Variants in NPHP4 observed in about 807,000 individuals in gnomAD.
NPHP4 encodes the protein nephrocystin 4.
A neutral mutation model predicts 155.8 loss-of-function variants in NPHP4; 151 were observed. That is an observed-to-expected ratio of 0.97 (90% confidence interval 0.85 to 1.11). The LOEUF is 1.11. Ranked by LOEUF, NPHP4 falls within the 50% of genes least tolerant of loss-of-function variation. The pLI is 0.00. For synonymous variants in NPHP4, 845 were observed against 816.8 expected, an observed-to-expected ratio of 1.03 and a Z score of -0.59; for missense variants, 1,956 against 1,925.7, an observed-to-expected ratio of 1.02 and a Z score of -0.29.
chr1:5,911,653 A>T (rs1645184459), intron 11 of NPHP4, among the ~76,000 whole-genome samples: 1 of 152,200 alleles, frequency 6.6e-6, no homozygotes, highest in African/African-American at 2.4e-5. Flanking sequence ...AAGGCCATTT[A>T]AAAAGGCCAT....
chr1:5,991,273 G>T (rs999517651), intron 1 of NPHP4, among the ~76,000 whole-genome samples: 11 of 127,136 alleles, frequency 8.7e-5, no homozygotes, highest in African/African-American at 2.9e-4. Flanking sequence ...AGACAAGCTC[G>T]CTACCCCCAT....
At chr1:5,933,080 G>A (rs1646359264) in intron 10 of NPHP4, 67 bp downstream of exon 10, 3 of 1,278,048 alleles carry the variant, frequency 2.3e-6, no homozygotes, top group Admixed American at 4.8e-5. Flanking sequence ...GTGAACTTTT[G>A]CTTTTGAAAA....
intron 26 of NPHP4, 119 bp from the exon 27 acceptor site, chr1:5,865,392 G>C: frequency 1.1e-6 from 1 of 942,988 alleles, no homozygotes; most frequent in Non-Finnish European, 1.5e-6. Context: ...GAAAGCCCCA[G>C]AGGACCAGGC....
At chr1:5,908,945 C>T (rs555057096) in intron 12 of NPHP4, among the ~76,000 whole-genome samples, 51 of 152,184 alleles carry the variant, frequency 3.4e-4, no homozygotes, top group African/African-American at 1.2e-3. Context: ...AGCAGCAGCC[C>T]CACTAAAAGC....
At chr1:5,958,315 G>A (rs1331447592) in intron 6 of NPHP4, among the ~76,000 whole-genome samples, 1 of 152,232 alleles carries the variant, frequency 6.6e-6, no homozygotes. Flanking sequence ...GGAGGCCAAG[G>A]CAGGTGCATT....
chr1:5,879,223 C>T (rs547123820), intron 19 of NPHP4: 7 of 252,080 alleles, frequency 2.8e-5, no homozygotes, highest in South Asian at 1.3e-4. Context: ...CACACAAAAG[C>T]GCACGGCAGC....
intron 6 of NPHP4, among the ~76,000 whole-genome samples, chr1:5,955,252 G>C (rs552787493): frequency 4.9e-4 from 75 of 152,300 alleles, no homozygotes; most frequent in African/African-American, 1.6e-3. Context: ...TGAGGACGTG[G>C]AGAAAAGGGA....
chr1:5,930,792 G>A (rs180960157), intron 10 of NPHP4, among the ~76,000 whole-genome samples: 4 of 152,322 alleles, frequency 2.6e-5, no homozygotes, highest in East Asian at 1.9e-4. Context: ...CCAGTTGGTC[G>A]ATGGCGATGT....
intron 3 of NPHP4, 84 bp downstream of exon 3, chr1:5,978,186 C>G: frequency 7.5e-7 from 1 of 1,333,994 alleles, no homozygotes; most frequent in African/African-American, 1.5e-5. Context: ...CGGCAAGGCC[C>G]CAGTCTCTGG....
At chr1:5,915,937 C>T (rs1026781406) in intron 11 of NPHP4, among the ~76,000 whole-genome samples, 4 of 152,164 alleles carry the variant, frequency 2.6e-5, no homozygotes, top group African/African-American at 9.7e-5. Flanking sequence ...TGCTGTCTGT[C>T]GGAGAGGATG....
At chr1:5,909,076 A>T in intron 12 of NPHP4, 76 bp downstream of exon 12, 1 of 1,234,096 alleles carries the variant, frequency 8.1e-7, no homozygotes, top group Non-Finnish European at 1.2e-6. Flanking sequence ...CACTGTGCTT[A>T]AGGGGGGACA....
chr1:5,974,875 G>A (rs770145633), intron 3 of NPHP4, among the ~76,000 whole-genome samples: 18 of 152,124 alleles, frequency 1.2e-4, no homozygotes, highest in Non-Finnish European at 2.2e-4. Flanking sequence ...GGACAGCCAC[G>A]GGCGCTCCAA....
At chr1:5,871,787 C>T (rs556907859) in intron 23 of NPHP4, among the ~76,000 whole-genome samples, 28 of 152,306 alleles carry the variant, frequency 1.8e-4, no homozygotes, top group African/African-American at 5.3e-4. Flanking sequence ...CTGATCCAAA[C>T]GCACCAGTGG....
chr1:5,867,365 C>A lies in NPHP4; in HGVS notation c.3473-250G>T. On this transcript the variant is annotated intron_variant, in intron 24 of 29. Coordinates refer to ENST00000378156, the MANE Select transcript of NPHP4 (RefSeq NM_015102.5). This position sits in a 1 kb window ranked among gnomAD's most constrained non-coding sequence, Gnocchi z 4.1. ...TCTCCACAGGGAATAATCGAGGGGG[C>A]CACAAAAAAGAAAACACAGCTCCCT... is the stretch of plus-strand genomic sequence containing the variant. 1.8e-6 allele frequency: 1 copy of A among 545,368 alleles called. No individual in the cohort carries two copies. Among genetic ancestry groups the A allele is most frequent in the Non-Finnish European group, 3.2e-6 (1 of 308,136 alleles). 33.8% of individuals were successfully genotyped at this position (545,368 alleles called of 1,614,324 possible).
chr1:5,948,342 A>T, intron 7 of NPHP4, 91 bp from the exon 8 acceptor site: 1 of 958,530 alleles, frequency 1.0e-6, no homozygotes, highest in South Asian at 1.7e-5. Flanking sequence ...GAGAGAAGAA[A>T]CTGGAGCAGA....
intron 5 of NPHP4, among the ~76,000 whole-genome samples, chr1:5,966,205 G>A (rs1651471669): frequency 6.6e-6 from 1 of 152,140 alleles, no homozygotes; most frequent in Non-Finnish European, 1.5e-5. Flanking sequence ...TCACGAGATT[G>A]TCACCAAGAC....
At chr1:5,945,806 T>C (rs1296034466) in intron 9 of NPHP4, among the ~76,000 whole-genome samples, 2 of 152,236 alleles carry the variant, frequency 1.3e-5, no homozygotes, top group African/African-American at 2.4e-5. Flanking sequence ...TCAGTCAACC[T>C]TGGTCTGAAA....
rs997667826 is a variant in NPHP4 at position 5,944,791 on chromosome 1, A to T, written c.1119+2313T>A. ...CTGAGACCTGCCTGGCCAACGTGGG[A>T]AAACCCCGTCTCTATTAAAAATACA... On this transcript the variant is annotated intron_variant, in intron 9 of 29. Coordinates refer to ENST00000378156, the MANE Select transcript of NPHP4 (RefSeq NM_015102.5). The surrounding 1 kb of genome is among the most constrained non-coding windows in gnomAD (Gnocchi z 4.3). 2.0e-5 allele frequency among the ~76,000 whole-genome samples: 3 copies of T among 152,154 alleles called. No homozygotes were observed.
In NPHP4 at chr1:5,864,334, A is replaced by C. The variant is rs1483209349; in HGVS notation, c.3996+4T>G. ...CTCAGCCTGTGCCTGCCACACATAC[A>C]GACCTTGGAGATGAGCGGCTGGCGG... On this transcript the variant is annotated splice_donor_region_variant and intron_variant, in intron 28 of 29. Coordinates refer to ENST00000378156, the MANE Select transcript of NPHP4 (RefSeq NM_015102.5). 6.2e-7 allele frequency: 1 copy of C among 1,601,630 alleles called. No individual in the cohort carries two copies. Among genetic ancestry groups the C allele is most frequent in the East Asian group, 2.2e-5 (1 of 44,602 alleles).
Sources: gnomAD v4.1 joint callset for allele counts (sites outside exome capture counted in the v4.1 genomes callset) on GRCh38, gnomAD v4.1.1 for gene constraint, Gnocchi (gnomAD v3.1) non-coding constraint, MANE v1.5 for transcripts, NCBI Gene and HGNC (gene_info 2026-07-23, HGNC 2026-07-21) for gene names.